The following ANK2 variants were observed in gnomAD, a reference collection of about 807,000 sequenced individuals.
The protein encoded by ANK2 is ankyrin 2.
In ANK2, 83 loss-of-function variants were observed where a neutral mutation model predicts 360.5. The observed-to-expected ratio is 0.23, with a 90% CI of 0.19 to 0.28. The LOEUF (loss-of-function observed/expected upper bound fraction) is 0.28. ANK2 is among the 10% of genes least tolerant of loss of function. The pLI is 1.00. For synonymous variants in ANK2, 1,740 were observed against 1,759.5 expected, an observed-to-expected ratio of 0.99 and a Z score of 0.28; for missense variants, 4,201 against 4,795.7, an observed-to-expected ratio of 0.88 and a Z score of 3.66.
At chr4:112,932,816 C>A (rs916992254) in intron 2 of ANK2, among the ~76,000 whole-genome samples, 3 of 152,038 alleles carry the variant, frequency 2.0e-5, no homozygotes, top group Non-Finnish European at 1.5e-5. Flanking sequence ...TCAAAGGAAT[C>A]AACTTCATGT....
chr4:112,734,029 C>A, the ANK2 span, among the ~76,000 whole-genome samples: 6 of 152,246 alleles, frequency 3.9e-5, no homozygotes, highest in Middle Eastern at 3.2e-3. Flanking sequence ...CCCGCCTCGG[C>A]CTCCCAAAGT....
intron 1 of ANK2, among the ~76,000 whole-genome samples, chr4:113,067,307 G>C (rs1317805327): frequency 6.6e-6 from 1 of 152,108 alleles, no homozygotes; most frequent in Non-Finnish European, 1.5e-5. Flanking sequence ...GGGGACATGG[G>C]AGTGAAATGG....
At chr4:113,047,899 G>GA (rs930706113), upstream of ANK2, among the ~76,000 whole-genome samples, 1 of 151,962 alleles carries the variant, frequency 6.6e-6, no homozygotes, top group African/African-American at 2.4e-5. Context: ...CAGCAATGGG[G>GA]AAATAGGTGA....
intron 4 of ANK2, among the ~76,000 whole-genome samples, chr4:113,218,451 CA>C (rs36042626): frequency 0.03 from 4,083 of 134,398 alleles, 97 homozygotes; most frequent in East Asian, 0.091. Flanking sequence ...ATTAAATGAC[CA>C]AAAAAAAAAA....
chr4:113,163,502 C>T (rs1252250221), intron 1 of ANK2, among the ~76,000 whole-genome samples: 2 of 151,730 alleles, frequency 1.3e-5, no homozygotes, highest in African/African-American at 4.8e-5. Flanking sequence ...CGGTGGCTCA[C>T]TCCTGTAATC....
At chr4:113,194,978 T>C (rs142255447) in intron 2 of ANK2, among the ~76,000 whole-genome samples, 1 of 152,240 alleles carries the variant, frequency 6.6e-6, no homozygotes, top group African/African-American at 2.4e-5. Context: ...AACTGATAGA[T>C]ATGTAGAACA....
chr4:113,099,438 G>A lies in ANK2; in HGVS notation c.84+49626G>A, dbSNP rs563824846. ...CTTATGTGTAATTCTAATAAGACAT[G>A]TATAAGATATATATGAGAAGAACCA... On this transcript the variant is annotated intron_variant, in intron 1 of 45. Transcript: ENST00000357077. Among the ~76,000 whole-genome samples, 5 of 152,036 alleles carry A rather than the reference G, an allele frequency of 3.3e-5. No homozygotes were observed. In the South Asian group the frequency reaches 8.3e-4, roughly 25 times the overall value.
At chr4:113,145,765 G>C in intron 1 of ANK2, 1 of 1,220,026 alleles carries the variant, frequency 8.2e-7, no homozygotes. Context: ...GAGGAGCCAA[G>C]GATCATCTTG....
chr4:113,101,660 A>G (rs1000505727), intron 1 of ANK2, among the ~76,000 whole-genome samples: 1 of 152,074 alleles, frequency 6.6e-6, no homozygotes, highest in African/African-American at 2.4e-5. Flanking sequence ...CTGTATTTCT[A>G]TGGAGAGAAA....
chr4:112,811,008 C>T, the ANK2 span, among the ~76,000 whole-genome samples: 8 of 150,352 alleles, frequency 5.3e-5, no homozygotes, highest in Non-Finnish European at 1.2e-4. Flanking sequence ...CGATCTCGGC[C>T]CACTGCAAGC....
At chr4:113,288,263 T>C in intron 19 of ANK2, 125 bp from the exon 20 acceptor site, 7 of 823,136 alleles carry the variant, frequency 8.5e-6, no homozygotes, top group Non-Finnish European at 1.4e-5. Context: ...CTAAATAATA[T>C]CTTTAGTCAA....
intron 26 of ANK2, among the ~76,000 whole-genome samples, chr4:113,320,612 A>G (rs2153857722): frequency 6.6e-6 from 1 of 152,202 alleles, no homozygotes; most frequent in South Asian, 2.1e-4. Context: ...CCTAGACTGC[A>G]CCACTGCTCT....
rs1485895597 is a variant in ANK2, at chr4:113,278,507, G to A, written c.1830G>A (p.Lys610=). The A allele has an allele frequency of 6.2e-7, 1 of 1,613,990 alleles. No homozygotes were observed. Among genetic ancestry groups the A allele is most frequent in the African/African-American group, 1.3e-5 (1 of 74,998 alleles). ...LHVAAHYDNQ[K]VALLLLEKGA... ...TTGCTGCTCATTATGACAACCAGAA[G>A]GTGGCGCTGCTGTTACTGGAGAAGG... Residue 610 remains lysine (K), a synonymous_variant, in exon 17 of 46, where the codon AAG becomes AAA. Coordinates refer to ENST00000357077, the MANE Select transcript of ANK2 (RefSeq NM_001148.6).
rs78674408 is a variant in ANK2 at position 113,160,682 on chromosome 4, T to C, written c.85-13734T>C. On this transcript the variant is annotated intron_variant, in intron 1 of 45. Coordinates refer to ENST00000357077, the MANE Select transcript of ANK2 (RefSeq NM_001148.6). ...CTGTGCTGGACAGTGGAAATAAAAA[T>C]GAATAAGTCATGGACTATTTCTACC... Among the ~76,000 whole-genome samples the C allele has an allele frequency of 3.9e-3, 590 of 152,306 alleles. 3 individuals are homozygous for C. Among genetic ancestry groups the C allele is most frequent in the African/African-American group, 0.014 (568 of 41,550 alleles).
intron 26 of ANK2, 41 bp downstream of exon 26, chr4:113,318,661 A>T (rs771309382): frequency 6.6e-7 from 1 of 1,513,326 alleles, no homozygotes; most frequent in Non-Finnish European, 9.1e-7. Flanking sequence ...AAGAGGTAAA[A>T]AGAGATGGGA....
chr4:112,922,289 TCTC>T (rs1181506966), intron 2 of ANK2, among the ~76,000 whole-genome samples: 1 of 152,208 alleles, frequency 6.6e-6, no homozygotes, highest in Admixed American at 6.5e-5. Context: ...GTTGTTCAAT[TCTC>T]CTTTTCATGT....
At chr4:112,932,188 C>G (rs1279736942) in intron 2 of ANK2, among the ~76,000 whole-genome samples, 1 of 152,046 alleles carries the variant, frequency 6.6e-6, no homozygotes, top group Non-Finnish European at 1.5e-5. Flanking sequence ...AACCCCGTTT[C>G]TACTAAAAAT....
At chr4:112,990,096 C>T (rs886120566) in intron 2 of ANK2, among the ~76,000 whole-genome samples, 1 of 151,822 alleles carries the variant, frequency 6.6e-6, no homozygotes, top group Non-Finnish European at 1.5e-5. Flanking sequence ...GTAGTGAGAC[C>T]CCGTCTCTAC....
At chr4:112,764,416 A>T in the ANK2 span, among the ~76,000 whole-genome samples, 1 of 151,358 alleles carries the variant, frequency 6.6e-6, no homozygotes, top group Non-Finnish European at 1.5e-5. Context: ...GCTCATTGCA[A>T]CCTCTGCCTC....
Sources: allele counts gnomAD v4.1 joint callset (sites outside exome capture counted in the v4.1 genomes callset), GRCh38; gene constraint gnomAD v4.1.1; transcripts MANE v1.5; gene names NCBI Gene and HGNC (gene_info 2026-07-23, HGNC 2026-07-21).